PDZRN4: variants seen among roughly 807,000 people sequenced by gnomAD.
PDZRN4 encodes the protein PDZ domain containing ring finger 4, also known as PDZ domain-containing RING finger protein 4.
In PDZRN4, 70 loss-of-function variants were observed where a neutral mutation model predicts 99.0. That is an observed-to-expected ratio of 0.71 (90% CI 0.58 to 0.86). PDZRN4 has a LOEUF of 0.86. Ranked by LOEUF, PDZRN4 falls within the 40% of genes least tolerant of loss-of-function variation. The pLI is 0.00. For missense variants in PDZRN4, 1,474 were observed against 1,331.2 expected, an observed-to-expected ratio of 1.11 and a Z score of -1.67; for synonymous variants, 551 against 501.6, an observed-to-expected ratio of 1.10 and a Z score of -1.32.
chr12:41,216,733 TA>T (rs1566367229), intron 3 of PDZRN4, among the ~76,000 whole-genome samples: 1 of 152,074 alleles, frequency 6.6e-6, no homozygotes, highest in African/African-American at 2.4e-5. Flanking sequence ...TTTATTTGAT[TA>T]ATCATCTGAT....
chr12:41,501,152 T>G (rs539369406), intron 3 of PDZRN4, among the ~76,000 whole-genome samples: 1 of 152,168 alleles, frequency 6.6e-6, no homozygotes, highest in Non-Finnish European at 1.5e-5. Context: ...TGGCGCCTTC[T>G]TAAATTTATT....
chr12:41,329,546 T>A (rs1447693856), intron 3 of PDZRN4, among the ~76,000 whole-genome samples: 1 of 152,162 alleles, frequency 6.6e-6, no homozygotes, highest in African/African-American at 2.4e-5. Context: ...TCAAGTCAGT[T>A]CAGCATATTG....
intron 3 of PDZRN4, among the ~76,000 whole-genome samples, chr12:41,237,617 G>A (rs996415322): frequency 1.3e-5 from 2 of 152,058 alleles, no homozygotes; most frequent in Admixed American, 1.3e-4. Flanking sequence ...CAGTTCAGTC[G>A]TTAATCCATC....
At chr12:41,285,510 T>C (rs1462167327) in intron 3 of PDZRN4, among the ~76,000 whole-genome samples, 1 of 152,192 alleles carries the variant, frequency 6.6e-6, no homozygotes, top group Admixed American at 6.5e-5. Context: ...ACTGGGTATA[T>C]ACCCAAAGGA....
intron 3 of PDZRN4, among the ~76,000 whole-genome samples, chr12:41,212,507 C>A (rs537661801): frequency 1.3e-4 from 19 of 151,966 alleles, no homozygotes; most frequent in Non-Finnish European, 2.2e-4. Context: ...TTGATAACTT[C>A]TGTGAAGAGT....
intron 5 of PDZRN4, among the ~76,000 whole-genome samples, chr12:41,546,758 C>T (rs761869022): frequency 1.3e-5 from 2 of 152,156 alleles, no homozygotes; most frequent in Non-Finnish European, 2.9e-5. Context: ...TCAACAGGTT[C>T]GAGCTCTAGC....
intron 3 of PDZRN4, among the ~76,000 whole-genome samples, chr12:41,426,603 T>A (rs1417601555): frequency 2.0e-5 from 3 of 152,202 alleles, no homozygotes; most frequent in Non-Finnish European, 4.4e-5. Context: ...GCACAATATT[T>A]TGAACCTGAG....
At chr12:41,258,860 T>C (rs1238375752) in intron 3 of PDZRN4, among the ~76,000 whole-genome samples, 5 of 152,092 alleles carry the variant, frequency 3.3e-5, no homozygotes, top group Non-Finnish European at 7.4e-5. Flanking sequence ...GGAGGTGCTG[T>C]CTGATTAATG....
At chr12:41,301,225 C>G (rs1407775062) in intron 3 of PDZRN4, among the ~76,000 whole-genome samples, 1 of 151,948 alleles carries the variant, frequency 6.6e-6, no homozygotes, top group East Asian at 1.9e-4. Context: ...GAAACACAGA[C>G]AGACATCATG....
At chr12:41,550,659 T>C (rs1939036937) in intron 5 of PDZRN4, among the ~76,000 whole-genome samples, 1 of 152,122 alleles carries the variant, frequency 6.6e-6, no homozygotes. Flanking sequence ...TAATATAGAG[T>C]ATCTTTGTCC....
chr12:41,316,733 C>T (rs192266485), intron 3 of PDZRN4, among the ~76,000 whole-genome samples: 2 of 151,892 alleles, frequency 1.3e-5, no homozygotes, highest in African/African-American at 4.8e-5. Flanking sequence ...ATAAAAGAAA[C>T]TGAAATCTTA....
chr12:41,272,942 G>GTCC (rs2120865070), intron 3 of PDZRN4, among the ~76,000 whole-genome samples: 1 of 152,066 alleles, frequency 6.6e-6, no homozygotes, highest in East Asian at 1.9e-4. Context: ...TCACATTGAA[G>GTCC]TCCTAATAAT....
intron 3 of PDZRN4, among the ~76,000 whole-genome samples, chr12:41,373,329 C>T (rs1333972355): frequency 6.6e-6 from 1 of 152,048 alleles, no homozygotes; most frequent in Non-Finnish European, 1.5e-5. Flanking sequence ...GGAATTTCCT[C>T]ATCCTAATAA....
At chr12:41,200,081 G>A (rs1414618526) in intron 3 of PDZRN4, among the ~76,000 whole-genome samples, 2 of 152,160 alleles carry the variant, frequency 1.3e-5, no homozygotes, top group Non-Finnish European at 2.9e-5. Flanking sequence ...AAGTGACACT[G>A]TAGATTTATT....
chr12:41,474,550 G>T (rs1324330299), intron 3 of PDZRN4, among the ~76,000 whole-genome samples: 1 of 152,190 alleles, frequency 6.6e-6, no homozygotes, highest in Non-Finnish European at 1.5e-5. Flanking sequence ...AACACAGGAG[G>T]CTTTGCCCTA....
intron 3 of PDZRN4, among the ~76,000 whole-genome samples, chr12:41,487,992 A>G (rs1937808943): frequency 6.6e-6 from 1 of 152,328 alleles, no homozygotes; most frequent in Admixed American, 6.5e-5. Flanking sequence ...ATGAATAAGC[A>G]ATGAGTCTGC....
At position 41,381,866 on chromosome 12, in the gene PDZRN4, A is replaced by G. The variant is rs78838510; in HGVS notation, c.844-124590A>G. Among the ~76,000 whole-genome samples the G allele has an allele frequency of 6.6e-3, 999 of 152,292 alleles. 4 individuals are homozygous for G. Among genetic ancestry groups the G allele is most frequent in the Non-Finnish European group, 0.01 (713 of 68,028 alleles). On this transcript the variant is annotated intron_variant, in intron 3 of 9. Coordinates refer to ENST00000402685, the MANE Select transcript of PDZRN4 (RefSeq NM_001164595.2). ...CCAGCCCTTAGACATTTACTTTAAC[A>G]GAGAAAGTCCTTCTCTAGTCAGTTC...
At chr12:41,233,575 T>C (rs1951044676) in intron 3 of PDZRN4, among the ~76,000 whole-genome samples, 1 of 152,150 alleles carries the variant, frequency 6.6e-6, no homozygotes, top group South Asian at 2.1e-4. Flanking sequence ...AAAGAAAATG[T>C]GGCACATATG....
At position 41,464,820 on chromosome 12, in the gene PDZRN4, C is replaced by CTTT. The variant is rs5797739; in HGVS notation, c.844-41617_844-41615dup. Among the ~76,000 whole-genome samples the CTTT allele has an allele frequency of 3.4e-3, 354 of 104,770 alleles. 7 individuals carry two copies. The highest frequency in any genetic ancestry group is 6.2e-3 in the African/African-American group (167 of 26,854). 68.7% of individuals were successfully genotyped at this position (104,770 alleles called of 152,430 possible). A position where few individuals can be genotyped will look rare whatever the true frequency, so the allele number is the denominator to read the frequency against. ...AATAAATGTTATAGTGCCTGTTGTA[C>CTTT]TTTTTTTTTTTTTTTTTTTTTGAGA... On this transcript the variant is annotated intron_variant, in intron 3 of 9. Coordinates refer to ENST00000402685, the MANE Select transcript of PDZRN4 (RefSeq NM_001164595.2).
Sources: gnomAD v4.1 joint callset for allele counts (sites outside exome capture counted in the v4.1 genomes callset) on GRCh38, gnomAD v4.1.1 for gene constraint, MANE v1.5 for transcripts, NCBI Gene and HGNC (gene_info 2026-07-23, HGNC 2026-07-21) for gene names.